The following ADCY9 variants were observed in gnomAD, a reference collection of about 807,000 sequenced individuals.
ADCY9 encodes adenylate cyclase type 9.
A neutral mutation model predicts 101.5 loss-of-function variants in ADCY9; 50 were observed. The observed-to-expected ratio is 0.49, with a 90% CI of 0.39 to 0.62. ADCY9 has a LOEUF of 0.62. ADCY9 is among the 20% of genes least tolerant of loss of function. The pLI, the probability that ADCY9 is intolerant of heterozygous loss-of-function variation, is 0.00. For synonymous variants in ADCY9, 905 were observed against 769.3 expected (o/e 1.18, Z -2.92); for missense variants, 1,662 against 1,800.4 (o/e 0.92, Z 1.39).
chr16:3,955,892 C>T (rs1381880860), intron 5 of ADCY9, among the ~76,000 whole-genome samples: 1 of 151,492 alleles, frequency 6.6e-6, no homozygotes, highest in African/African-American at 2.4e-5. Context: ...GTTTTGGGGT[C>T]TTGCTCTGTT....
intron 8 of ADCY9, among the ~76,000 whole-genome samples, chr16:3,978,438 C>T (rs549525431): frequency 2.6e-5 from 4 of 152,316 alleles, no homozygotes; most frequent in Admixed American, 6.5e-5. Flanking sequence ...TCAGCAGCAG[C>T]CGACCCGGGC....
At chr16:4,012,606 C>A (rs1025199121) in intron 2 of ADCY9, among the ~76,000 whole-genome samples, 8 of 152,086 alleles carry the variant, frequency 5.3e-5, no homozygotes, top group Admixed American at 1.3e-4. Context: ...CTTTTATCAG[C>A]TTAATTTTAC....
chr16:4,010,602 T>C (rs1046072644), intron 2 of ADCY9, among the ~76,000 whole-genome samples: 1 of 152,188 alleles, frequency 6.6e-6, no homozygotes. Flanking sequence ...GATCGTGACC[T>C]GTGTGGAGCC....
At chr16:3,985,147 T>C (rs1439195141) in intron 6 of ADCY9, among the ~76,000 whole-genome samples, 1 of 146,796 alleles carries the variant, frequency 6.8e-6, no homozygotes, top group East Asian at 2.0e-4. Context: ...TTCCTTTTTT[T>C]TTTTTTTTTT....
intron 2 of ADCY9, among the ~76,000 whole-genome samples, chr16:4,040,458 ATTT>A (rs35756805): frequency 6.9e-6 from 1 of 144,268 alleles, no homozygotes; most frequent in African/African-American, 2.6e-5. Context: ...CATCTTCTTA[ATTT>A]TTTTTTTTTT....
intron 2 of ADCY9, among the ~76,000 whole-genome samples, chr16:4,024,479 T>G (rs979505669): frequency 6.6e-6 from 1 of 152,130 alleles, no homozygotes; most frequent in Non-Finnish European, 1.5e-5. Flanking sequence ...AACAGGAAAT[T>G]AACTAGACGA....
chr16:4,089,367 G>A (rs190010142), intron 2 of ADCY9, among the ~76,000 whole-genome samples: 26 of 152,118 alleles, frequency 1.7e-4, no homozygotes, highest in South Asian at 2.1e-4. Flanking sequence ...ATTCGTCCAC[G>A]TTGTCACATG....
At chr16:4,083,307 T>C (rs548078290) in intron 2 of ADCY9, among the ~76,000 whole-genome samples, 19 of 152,316 alleles carry the variant, frequency 1.2e-4, no homozygotes, top group Non-Finnish European at 1.8e-4. Flanking sequence ...TTGTGTGGGA[T>C]ACAAAAGTGT....
At position 3,992,643 on chromosome 16, in the gene ADCY9, G is replaced by A. The variant is rs1441812413; in HGVS notation, c.1990-280C>T. Among the ~76,000 whole-genome samples the A allele has an allele frequency of 6.6e-6, 1 of 152,096 alleles. No homozygotes were observed. The highest frequency in any genetic ancestry group is 2.4e-5 in the African/African-American group (1 of 41,400). On this transcript the variant is annotated intron_variant, in intron 4 of 10. Transcript: ENST00000294016. The surrounding 1 kb of genome is among the most constrained non-coding windows in gnomAD (Gnocchi z 4.2). ...GAGACATGGGAAGAGTCGGTGCGGAGGTGGAGGGGAAGGGAGGAAAGTGAG... is the reference window on the plus strand; with the variant it reads ...GAGACATGGGAAGAGTCGGTGCGGAAGTGGAGGGGAAGGGAGGAAAGTGAG...
intron 2 of ADCY9, among the ~76,000 whole-genome samples, chr16:4,050,857 T>C (rs1261113400): frequency 1.3e-5 from 2 of 152,180 alleles, no homozygotes; most frequent in East Asian, 3.8e-4. Flanking sequence ...CCAGGGCTTA[T>C]TGGAGAAATG....
rs59816813 is a variant in ADCY9 at position 4,036,462 on chromosome 16, GT to G, written c.1694-28905del. 7.5e-3 allele frequency among the ~76,000 whole-genome samples: 778 copies of G among 103,688 alleles called. 4 individuals are homozygous for G. Among genetic ancestry groups the G allele is most frequent in the African/African-American group, 0.029 (733 of 25,374 alleles). 68.0% of individuals were successfully genotyped at this position (103,688 alleles called of 152,430 possible). On this transcript the variant is annotated intron_variant, in intron 2 of 10. Transcript: ENST00000294016. ...TACATTTTGGTTTTGGGGTTTGTTT[GT>G]TTTTTTTTTTTTTTTTTTTGAGACA...
chr16:4,089,981 C>G (rs949202297), intron 2 of ADCY9, among the ~76,000 whole-genome samples: 1 of 152,102 alleles, frequency 6.6e-6, no homozygotes. Context: ...CAGTAAACCA[C>G]ACTTGCTGGG....
intron 2 of ADCY9, among the ~76,000 whole-genome samples, chr16:4,102,579 C>A (rs1183917039): frequency 2.0e-5 from 3 of 152,154 alleles, no homozygotes; most frequent in Non-Finnish European, 4.4e-5. Context: ...GCATGTGCCA[C>A]CATGCCTGGC....
rs535874086 is a variant in ADCY9 at position 4,092,467 on chromosome 16, C to T, written c.1693+21283G>A. Among the ~76,000 whole-genome samples the T allele has an allele frequency of 2.9e-3, 446 of 152,256 alleles. 3 individuals are homozygous for T. The highest frequency in any genetic ancestry group is 4.8e-3 in the Non-Finnish European group (325 of 68,026). On this transcript the variant is annotated intron_variant, in intron 2 of 10. Coordinates refer to ENST00000294016, the MANE Select transcript of ADCY9 (RefSeq NM_001116.4). ...CCCTAATTTAACATTCACATTTTAG[C>T]TTACAGTATAACTAGTTATAGAATT...
intron 6 of ADCY9, among the ~76,000 whole-genome samples, chr16:3,986,224 G>A (rs368165579): frequency 5.3e-5 from 8 of 152,194 alleles, no homozygotes; most frequent in African/African-American, 1.2e-4. Context: ...CCTTGTGGGC[G>A]GTGGGATGCT....
chr16:4,008,634 C>T (rs1327887173), intron 2 of ADCY9, among the ~76,000 whole-genome samples: 2 of 151,030 alleles, frequency 1.3e-5, no homozygotes, highest in African/African-American at 4.9e-5. Flanking sequence ...TGCAATGGTG[C>T]GATCTCAGCT....
At chr16:4,036,757 C>A (rs953515241) in intron 2 of ADCY9, among the ~76,000 whole-genome samples, 1 of 152,042 alleles carries the variant, frequency 6.6e-6, no homozygotes. Flanking sequence ...CCACCATGCC[C>A]AGCCACAATA....
intron 7 of ADCY9, among the ~76,000 whole-genome samples, 161 bp from the exon 8 acceptor site, chr16:3,979,436 A>G (rs1362272805): frequency 6.6e-6 from 1 of 152,196 alleles, no homozygotes; most frequent in African/African-American, 2.4e-5. Flanking sequence ...TACCTCCCTC[A>G]CTTTTGGTAG....
intron 2 of ADCY9, among the ~76,000 whole-genome samples, chr16:4,049,115 G>T (rs1342567578): frequency 1.3e-5 from 2 of 152,204 alleles, no homozygotes; most frequent in Non-Finnish European, 2.9e-5. Context: ...CACCCGGAAG[G>T]CATTACAAAC....
Sources: gnomAD v4.1 joint callset for allele counts (sites outside exome capture counted in the v4.1 genomes callset) on GRCh38, gnomAD v4.1.1 for gene constraint, Gnocchi (gnomAD v3.1) non-coding constraint, MANE v1.5 for transcripts, NCBI Gene and HGNC (gene_info 2026-07-23, HGNC 2026-07-21) for gene names.